The following SDK1 variants were observed in gnomAD, a reference collection of about 807,000 sequenced individuals.
The protein encoded by SDK1 is protein sidekick-1.
SDK1 carries 157 observed loss-of-function variants against 245.5 expected under a neutral mutation model. That is an observed-to-expected ratio of 0.64 (90% CI 0.56 to 0.73). The LOEUF (loss-of-function observed/expected upper bound fraction) is 0.73, where lower values mean the gene tolerates loss of function less well. Among genes scored for constraint, SDK1 ranks in the 30% least tolerant of loss-of-function variants. The pLI is 0.00. For missense variants in SDK1, 3,583 were observed against 3,002.3 expected (o/e 1.19, Z -4.52); for synonymous variants, 1,647 against 1,278.5 (o/e 1.29, Z -6.15).
intron 1 of SDK1, among the ~76,000 whole-genome samples, chr7:3,556,859 G>T (rs138324794): frequency 1.3e-5 from 2 of 151,984 alleles, no homozygotes; most frequent in African/African-American, 2.4e-5. Context: ...ACAAAGAAGG[G>T]ATTAGTACTT....
chr7:4,050,945 G>A (rs1342071454), intron 18 of SDK1, among the ~76,000 whole-genome samples: 7 of 135,688 alleles, frequency 5.2e-5, no homozygotes, highest in Admixed American at 1.5e-4. Flanking sequence ...CATACTATAC[G>A]TATATATTAT....
intron 2 of SDK1, among the ~76,000 whole-genome samples, chr7:3,636,762 T>G (rs1782467714): frequency 6.6e-6 from 1 of 152,198 alleles, no homozygotes; most frequent in Non-Finnish European, 1.5e-5. Flanking sequence ...TGTAATTTTG[T>G]AAGAAACAAT....
chr7:4,001,369 C>T (rs895765988), intron 14 of SDK1, among the ~76,000 whole-genome samples: 2 of 152,214 alleles, frequency 1.3e-5, no homozygotes, highest in African/African-American at 4.8e-5. Context: ...AATGGCTTCT[C>T]CAGCACATAG....
chr7:3,693,893 C>G (rs185564760), intron 4 of SDK1, among the ~76,000 whole-genome samples: 209 of 152,302 alleles, frequency 1.4e-3, no homozygotes, highest in African/African-American at 4.9e-3. Context: ...ACATTTGTCT[C>G]TGCCTTGACC....
chr7:3,617,610 T>C (rs1189871349), intron 1 of SDK1, among the ~76,000 whole-genome samples: 1 of 152,190 alleles, frequency 6.6e-6, no homozygotes, highest in Non-Finnish European at 1.5e-5. Context: ...AACATGGCAG[T>C]TCATCTGGGG....
intron 1 of SDK1, among the ~76,000 whole-genome samples, chr7:3,478,599 CTTTG>C (rs1781416889): frequency 6.6e-6 from 1 of 151,616 alleles, no homozygotes; most frequent in Non-Finnish European, 1.5e-5. Context: ...GGGCCTTTTT[CTTTG>C]TTCTTGATCA....
At chr7:3,309,390 C>T (rs1240681109) in intron 1 of SDK1, among the ~76,000 whole-genome samples, 1 of 151,018 alleles carries the variant, frequency 6.6e-6, no homozygotes, top group Non-Finnish European at 1.5e-5. Context: ...TTTTTCCTTC[C>T]ATGATTCACC....
At chr7:3,759,556 T>TG (rs1491132298) in intron 4 of SDK1, among the ~76,000 whole-genome samples, 1 of 151,298 alleles carries the variant, frequency 6.6e-6, no homozygotes. Flanking sequence ...TTTTTAGTTT[T>TG]CTCTGTTTTT....
chr7:3,620,597 A>AT (rs1344390027), intron 2 of SDK1, among the ~76,000 whole-genome samples: 3 of 152,024 alleles, frequency 2.0e-5, no homozygotes, highest in East Asian at 1.9e-4. Flanking sequence ...GCCACAGCAT[A>AT]TTTTTTTATT....
chr7:3,361,829 A>G (rs773312478), intron 1 of SDK1, among the ~76,000 whole-genome samples: 6 of 152,202 alleles, frequency 3.9e-5, no homozygotes, highest in Non-Finnish European at 5.9e-5. Flanking sequence ...ATTTTCCAAG[A>G]TGGTTATTTA....
At chr7:3,319,975 A>G (rs1779760941) in intron 1 of SDK1, among the ~76,000 whole-genome samples, 1 of 150,090 alleles carries the variant, frequency 6.7e-6, no homozygotes, top group Admixed American at 6.7e-5. Flanking sequence ...GAATGCGAAA[A>G]AATGAATTTC....
intron 5 of SDK1, among the ~76,000 whole-genome samples, chr7:3,936,843 A>C (rs1780179174): frequency 6.6e-6 from 1 of 152,118 alleles, no homozygotes; most frequent in Non-Finnish European, 1.5e-5. Flanking sequence ...GGATTTCAGG[A>C]GGCAGCAGTA....
At chr7:3,904,652 C>G (rs760178244) in intron 5 of SDK1, among the ~76,000 whole-genome samples, 1 of 152,084 alleles carries the variant, frequency 6.6e-6, no homozygotes, top group Non-Finnish European at 1.5e-5. Context: ...TACGATAACA[C>G]CACTTCACTC....
intron 1 of SDK1, among the ~76,000 whole-genome samples, chr7:3,304,182 G>A (rs1389837718): frequency 6.6e-6 from 1 of 152,208 alleles, no homozygotes; most frequent in Non-Finnish European, 1.5e-5. Context: ...ATGCCCTGGA[G>A]TTTCTTCTTT....
intron 2 of SDK1, among the ~76,000 whole-genome samples, chr7:3,635,801 G>A (rs1241205155): frequency 6.6e-6 from 1 of 152,078 alleles, no homozygotes; most frequent in Non-Finnish European, 1.5e-5. Flanking sequence ...CCACCTCCCG[G>A]GGTCAGGTGA....
chr7:3,830,290 A>G (rs1424825538), intron 5 of SDK1, among the ~76,000 whole-genome samples: 2 of 152,154 alleles, frequency 1.3e-5, no homozygotes, highest in Non-Finnish European at 2.9e-5. Context: ...TGAAAGATAC[A>G]AATTATTCAG....
intron 1 of SDK1, among the ~76,000 whole-genome samples, chr7:3,551,107 A>G (rs1779388569): frequency 6.6e-6 from 1 of 152,000 alleles, no homozygotes; most frequent in Non-Finnish European, 1.5e-5. Flanking sequence ...ATTTTAAAAC[A>G]TTTTTCGTTT....
At chr7:3,553,226 A>G (rs1460833736) in intron 1 of SDK1, among the ~76,000 whole-genome samples, 2 of 152,178 alleles carry the variant, frequency 1.3e-5, no homozygotes, top group Non-Finnish European at 2.9e-5. Flanking sequence ...TAAATGCATT[A>G]TCTACTTAAT....
intron 4 of SDK1, among the ~76,000 whole-genome samples, chr7:3,675,861 C>T (rs1255206032): frequency 1.3e-5 from 2 of 152,132 alleles, no homozygotes; most frequent in Non-Finnish European, 2.9e-5. Context: ...TGCCCTTTGC[C>T]TACTTTTTAA....
Sources: gnomAD v4.1 joint callset for allele counts (sites outside exome capture counted in the v4.1 genomes callset) on GRCh38, gnomAD v4.1.1 for gene constraint, MANE v1.5 for transcripts, NCBI Gene and HGNC (gene_info 2026-07-23, HGNC 2026-07-21) for gene names.